The following INPP5F variants were observed in gnomAD, a reference collection of about 807,000 sequenced individuals.
INPP5F encodes the protein inositol polyphosphate-5-phosphatase F.
INPP5F carries 97 observed loss-of-function variants against 137.2 expected under a neutral mutation model. That is an observed-to-expected ratio of 0.71 (90% CI 0.60 to 0.84). The LOEUF is 0.84. INPP5F is among the 40% of genes least tolerant of loss of function. The pLI is 0.00. For missense variants in INPP5F, 1,271 were observed against 1,371.9 expected, an observed-to-expected ratio of 0.93 and a Z score of 1.16; for synonymous variants, 504 against 476.9, an observed-to-expected ratio of 1.06 and a Z score of -0.74.
chr10:119,819,414 A>G (rs959878059), intron 15 of INPP5F: 6 of 1,474,002 alleles, frequency 4.1e-6, no homozygotes, highest in Non-Finnish European at 5.4e-6. Flanking sequence ...TGATGTAAAT[A>G]TTAATGCCAA....
In INPP5F at chr10:119,745,699, CTTTTT is replaced by C. The variant is rs35485618; in HGVS notation, c.98-5358_98-5354del. Among the ~76,000 whole-genome samples, 3 of 90,542 alleles carry C rather than the reference CTTTTT, an allele frequency of 3.3e-5. No individual in the cohort carries two copies. The Admixed American group carries it at 4.0e-4, about 12-fold the overall frequency. The allele number at this position is 90,542 out of a possible 152,430, so 59.4% of individuals were successfully genotyped here. On this transcript the variant is annotated intron_variant, in intron 1 of 19. Transcript: ENST00000650623. The stretch of plus-strand genomic sequence containing the variant: ...GTCTCCAGGAAGCTCAGGCTCATTC[CTTTTT>C]TTTTTTTTTTTTTTTTTTGAGATGA...
At chr10:119,752,270 G>A (rs900292291) in intron 2 of INPP5F, among the ~76,000 whole-genome samples, 1 of 152,156 alleles carries the variant, frequency 6.6e-6, no homozygotes, top group Non-Finnish European at 1.5e-5. Context: ...ATACACGCAT[G>A]TATCTACCAC....
chr10:119,791,883 AGAGAAG>A lies in INPP5F; in HGVS notation c.466_471del (p.Glu156_Lys157del). 3 of 1,606,154 alleles carry A rather than the reference AGAGAAG, an allele frequency of 1.9e-6. No homozygotes were observed. Among genetic ancestry groups the A allele is most frequent in the Non-Finnish European group, 1.7e-6 (2 of 1,175,072 alleles). On this transcript the variant is annotated inframe_deletion, in exon 5 of 20. Transcript: ENST00000650623. ...ATTTCTTATAGGTTAAGGAAAGTAA[AGAGAAG>A]GAGAAGTTGGAGAGGAGATTACTTG...
chr10:119,820,989 G>A (rs41287944), intron 16 of INPP5F, 72 bp downstream of exon 16: 10,740 of 966,506 alleles, frequency 0.011, 71 homozygotes, highest in Non-Finnish European at 0.014. Context: ...TTTAGAATTC[G>A]TAACAAAAAA....
chr10:119,826,064 C>T (rs1851746812), intron 19 of INPP5F: 3 of 397,914 alleles, frequency 7.5e-6, no homozygotes, highest in African/African-American at 4.1e-5. Flanking sequence ...ACTCCTGTCT[C>T]CCCCCACTAT....
chr10:119,792,297 A>G (rs1850175692), intron 6 of INPP5F, 84 bp downstream of exon 6: 1 of 918,454 alleles, frequency 1.1e-6, no homozygotes. Flanking sequence ...TTGTTAAGCA[A>G]ATGTTTTTTA....
chr10:119,805,254 A>G, intron 10 of INPP5F, 130 bp from the exon 11 acceptor site: 1 of 644,206 alleles, frequency 1.6e-6, no homozygotes, highest in South Asian at 1.9e-5. Flanking sequence ...ATATAGTAGT[A>G]TTAACCTCAT....
intron 19 of INPP5F, among the ~76,000 whole-genome samples, chr10:119,825,070 A>T (rs573973314): frequency 6.6e-6 from 1 of 152,320 alleles, no homozygotes; most frequent in Non-Finnish European, 1.5e-5. Context: ...TATCTGTAAG[A>T]TGAGAGAAAA....
chr10:119,788,611 G>A (rs182952643), intron 3 of INPP5F, among the ~76,000 whole-genome samples: 2 of 152,186 alleles, frequency 1.3e-5, no homozygotes, highest in Admixed American at 1.3e-4. Flanking sequence ...TCCAGTGCCT[G>A]GGCTGGGACA....
intron 2 of INPP5F, among the ~76,000 whole-genome samples, chr10:119,760,096 C>T (rs1021476367): frequency 3.3e-5 from 5 of 152,314 alleles, no homozygotes; most frequent in Admixed American, 2.6e-4. Flanking sequence ...GAGCATATCT[C>T]TAAGTGGCAT....
intron 2 of INPP5F, among the ~76,000 whole-genome samples, chr10:119,759,126 C>G (rs1311520245): frequency 1.3e-5 from 2 of 152,164 alleles, no homozygotes; most frequent in Non-Finnish European, 2.9e-5. Context: ...TTAGTTATTG[C>G]TTCTGCTTAG....
chr10:119,824,009 G>A (rs1038833253), intron 19 of INPP5F, 107 bp downstream of exon 19: 4 of 747,564 alleles, frequency 5.4e-6, no homozygotes, highest in Non-Finnish European at 8.8e-6. Flanking sequence ...ATGGTAAGGT[G>A]TTGGTATTTA....
At chr10:119,785,318 C>T (rs1350083950) in intron 3 of INPP5F, among the ~76,000 whole-genome samples, 3 of 117,668 alleles carry the variant, frequency 2.5e-5, no homozygotes, top group Admixed American at 8.2e-5. Context: ...CGGAGCCTCG[C>T]TCTGTCGCCC....
intron 2 of INPP5F, among the ~76,000 whole-genome samples, chr10:119,772,353 G>C (rs1378904409): frequency 6.6e-6 from 1 of 152,070 alleles, no homozygotes; most frequent in Admixed American, 6.6e-5. Context: ...AGTGTGGTAG[G>C]AATCTGTGGA....
chr10:119,799,232 T>C (rs1330249383), intron 9 of INPP5F: 1 of 344,530 alleles, frequency 2.9e-6, no homozygotes, highest in Admixed American at 4.0e-5. Flanking sequence ...GTAATTCTGT[T>C]ATCCATTAGC....
chr10:119,741,384 A>G (rs1489307055), intron 1 of INPP5F, among the ~76,000 whole-genome samples: 1 of 152,074 alleles, frequency 6.6e-6, no homozygotes, highest in East Asian at 1.9e-4. Context: ...CTTCAGCCTC[A>G]TTCTTCCTGC....
At chr10:119,755,884 G>A (rs1848825830) in intron 2 of INPP5F, among the ~76,000 whole-genome samples, 1 of 152,178 alleles carries the variant, frequency 6.6e-6, no homozygotes, top group Non-Finnish European at 1.5e-5. Context: ...TCAGCCAGGC[G>A]TGGTGGCTCA....
chr10:119,826,586 T>A, intron 19 of INPP5F, 45 bp from the exon 20 acceptor site: 1 of 1,423,798 alleles, frequency 7.0e-7, no homozygotes, highest in South Asian at 1.4e-5. Flanking sequence ...AACTGGCATA[T>A]TGGATTCCAT....
chr10:119,826,775 C>T lies in INPP5F; in HGVS notation c.2394C>T (p.Gly798=), dbSNP rs750876388. The change falls in exon 20 of 20, where the codon GGC becomes GGT. Residue 798 remains glycine, a synonymous_variant. Transcript: ENST00000650623. ...VKQTKSNVNI[G]NLRKLGNFTK... Reference sequence around the variant, plus strand: ...AGACCAAATCCAATGTAAATATTGGCAACCTCCGAAAGCTAGGAAACTTTA... The same window carrying T: ...AGACCAAATCCAATGTAAATATTGGTAACCTCCGAAAGCTAGGAAACTTTA... 3.7e-6 allele frequency: 6 copies of T among 1,613,618 alleles called. No homozygotes were observed. The African/African-American group carries it at 6.7e-5, about 18-fold the overall frequency.
Sources: gnomAD v4.1 joint callset for allele counts (sites outside exome capture counted in the v4.1 genomes callset) on GRCh38, gnomAD v4.1.1 for gene constraint, MANE v1.5 for transcripts, NCBI Gene and HGNC (gene_info 2026-07-23, HGNC 2026-07-21) for gene names.